SORCS3: variants seen among roughly 807,000 people sequenced by gnomAD.
The protein encoded by SORCS3 is VPS10 domain-containing receptor SorCS3.
A neutral mutation model predicts 146.3 loss-of-function variants in SORCS3; 57 were observed. The observed-to-expected ratio is 0.39, with a 90% CI of 0.31 to 0.49. The LOEUF is 0.49. Among genes scored for constraint, SORCS3 ranks in the 20% least tolerant of loss-of-function variants. The pLI is 0.92. For synonymous variants in SORCS3, 653 were observed against 618.5 expected, an observed-to-expected ratio of 1.06 and a Z score of -0.83; for missense variants, 1,341 against 1,575.5, an observed-to-expected ratio of 0.85 and a Z score of 2.52.
chr10:104,745,534 C>T (rs1002805979), intron 1 of SORCS3, among the ~76,000 whole-genome samples: 11 of 152,250 alleles, frequency 7.2e-5, no homozygotes, highest in Admixed American at 2.0e-4. Context: ...CCAGCACCTC[C>T]GAGAGTTTCC....
intron 2 of SORCS3, among the ~76,000 whole-genome samples, chr10:104,863,062 CT>C (rs897775378): frequency 6.6e-6 from 1 of 152,186 alleles, no homozygotes; most frequent in Non-Finnish European, 1.5e-5. Flanking sequence ...TATACTCTTC[CT>C]TTTTGCAGAG....
At chr10:104,892,135 G>T (rs898804013) in intron 2 of SORCS3, among the ~76,000 whole-genome samples, 1 of 152,178 alleles carries the variant, frequency 6.6e-6, no homozygotes, top group East Asian at 1.9e-4. Context: ...ATTCCAGCTT[G>T]ATGGTTAAAA....
intron 1 of SORCS3, among the ~76,000 whole-genome samples, chr10:104,719,827 C>T (rs961458605): frequency 1.3e-5 from 2 of 152,000 alleles, no homozygotes; most frequent in Non-Finnish European, 1.5e-5. Flanking sequence ...ATGCTCTTGC[C>T]GAGATTGGAA....
At chr10:105,093,855 A>G (rs1455263872) in intron 6 of SORCS3, among the ~76,000 whole-genome samples, 4 of 152,196 alleles carry the variant, frequency 2.6e-5, no homozygotes, top group Admixed American at 6.5e-5. Flanking sequence ...TACACATCTT[A>G]TAACCCAGCA....
intron 13 of SORCS3, among the ~76,000 whole-genome samples, chr10:105,176,390 T>TA (rs199548176): frequency 2.0e-3 from 291 of 143,734 alleles, no homozygotes; most frequent in Admixed American, 6.1e-3. Context: ...CAAAAATAAT[T>TA]AAAAAAAAAA....
At chr10:104,757,075 T>G (rs2017062065) in intron 1 of SORCS3, among the ~76,000 whole-genome samples, 1 of 149,658 alleles carries the variant, frequency 6.7e-6, no homozygotes, top group Admixed American at 6.6e-5. Flanking sequence ...GGTTTTTTTT[T>G]TTTTTTTTTT....
intron 1 of SORCS3, among the ~76,000 whole-genome samples, chr10:104,798,761 C>A (rs1181122935): frequency 6.6e-6 from 1 of 152,074 alleles, no homozygotes; most frequent in African/African-American, 2.4e-5. Flanking sequence ...AGTGAACAGG[C>A]AACCTACAGA....
intron 5 of SORCS3, among the ~76,000 whole-genome samples, chr10:105,063,411 G>A (rs1284543262): frequency 4.6e-5 from 7 of 152,180 alleles, no homozygotes; most frequent in Non-Finnish European, 7.3e-5. Context: ...AGACAAAGTG[G>A]CCACACTGTA....
chr10:105,167,413 A>G (rs1053736243), intron 13 of SORCS3, 64 bp downstream of exon 13: 27 of 1,201,442 alleles, frequency 2.2e-5, no homozygotes, highest in African/African-American at 9.1e-5. Context: ...GAGGATTGTG[A>G]TGAGTTATTC....
chr10:105,102,579 A>G (rs760191594), intron 6 of SORCS3, among the ~76,000 whole-genome samples: 4 of 152,128 alleles, frequency 2.6e-5, no homozygotes, highest in Non-Finnish European at 5.9e-5. Flanking sequence ...ATCGTGTGCT[A>G]TGCTTATTAC....
intron 5 of SORCS3, among the ~76,000 whole-genome samples, chr10:105,060,230 G>A (rs141204469): frequency 2.0e-5 from 3 of 152,244 alleles, no homozygotes; most frequent in East Asian, 1.9e-4. Context: ...GGTAATGGCG[G>A]ACATTTCAGT....
intron 3 of SORCS3, among the ~76,000 whole-genome samples, chr10:104,945,501 C>T (rs2133621796): frequency 6.6e-6 from 1 of 151,746 alleles, no homozygotes; most frequent in Non-Finnish European, 1.5e-5. Flanking sequence ...TCGAGTGATC[C>T]ACCTGCCTCA....
chr10:104,978,705 A>G (rs1255769345), intron 4 of SORCS3, among the ~76,000 whole-genome samples: 1 of 152,166 alleles, frequency 6.6e-6, no homozygotes, highest in African/African-American at 2.4e-5. Flanking sequence ...ACCACTACTC[A>G]AATATAAGTT....
At chr10:104,706,345 A>C (rs1403683018) in intron 1 of SORCS3, among the ~76,000 whole-genome samples, 1 of 149,864 alleles carries the variant, frequency 6.7e-6, no homozygotes, top group East Asian at 2.0e-4. Context: ...GTAGCTGGGG[A>C]CTACAGGCGT....
At chr10:105,085,260 G>A (rs965905209) in intron 5 of SORCS3, among the ~76,000 whole-genome samples, 2 of 152,240 alleles carry the variant, frequency 1.3e-5, no homozygotes, top group Admixed American at 6.5e-5. Flanking sequence ...CTAGGCTAAC[G>A]CCATCAACAT....
intron 1 of SORCS3, among the ~76,000 whole-genome samples, chr10:104,807,525 A>G (rs2017692539): frequency 6.6e-6 from 1 of 152,194 alleles, no homozygotes; most frequent in Non-Finnish European, 1.5e-5. Context: ...ACTGGAGGAC[A>G]TTGGAAGAAG....
At position 104,736,774 on chromosome 10, in the gene SORCS3, C is replaced by CT. The variant is rs141199251; in HGVS notation, c.627+94833dup. On this transcript the variant is annotated intron_variant, in intron 1 of 26. Transcript: ENST00000369701. ...TTCTTTTCTTTCAAAGGCATGTTTT[C>CT]TTTTTTTTTTTTTATTATTATTATA... 4.9e-3 allele frequency among the ~76,000 whole-genome samples: 708 copies of CT among 145,968 alleles called. 8 individuals carry two copies. The highest frequency in any genetic ancestry group is 0.017 in the African/African-American group (678 of 39,974).
At chr10:104,702,215 T>A (rs2016288105) in intron 1 of SORCS3, among the ~76,000 whole-genome samples, 1 of 152,214 alleles carries the variant, frequency 6.6e-6, no homozygotes. Context: ...TGTGTTTTCA[T>A]ATGGTTTCTG....
chr10:104,979,044 A>T (rs971406510), intron 4 of SORCS3, among the ~76,000 whole-genome samples: 1 of 152,198 alleles, frequency 6.6e-6, no homozygotes, highest in South Asian at 2.1e-4. Context: ...CAGATCCAGC[A>T]TCACTTCCTC....
Sources: allele counts gnomAD v4.1 joint callset (sites outside exome capture counted in the v4.1 genomes callset), GRCh38; gene constraint gnomAD v4.1.1; transcripts MANE v1.5; gene names NCBI Gene and HGNC (gene_info 2026-07-23, HGNC 2026-07-21).